CALN1: variants seen among roughly 807,000 people sequenced by gnomAD.
CALN1 encodes calcium-binding protein 8.
A neutral mutation model predicts 30.6 loss-of-function variants in CALN1; 17 were observed. The observed-to-expected ratio is 0.56, with a 90% CI of 0.38 to 0.83. The LOEUF is 0.83. Among genes scored for constraint, CALN1 ranks in the 40% least tolerant of loss-of-function variants. CALN1 has a pLI of 0.00. For synonymous variants in CALN1, 156 were observed against 131.4 expected, an observed-to-expected ratio of 1.19 and a Z score of -1.28; for missense variants, 291 against 354.9, an observed-to-expected ratio of 0.82 and a Z score of 1.45.
chr7:71,864,960 G>A (rs527796869), intron 5 of CALN1, among the ~76,000 whole-genome samples: 4 of 151,904 alleles, frequency 2.6e-5, no homozygotes, highest in Non-Finnish European at 5.9e-5. Flanking sequence ...CCAAGATCAC[G>A]CCACTGCACT....
rs1181497962 is a variant in CALN1 at position 71,933,375 on chromosome 7, ACGC to A, written c.501+90279_501+90281del. 2.2e-4 allele frequency among the ~76,000 whole-genome samples: 33 copies of A among 152,224 alleles called. No homozygotes were observed. The East Asian group carries it at 5.0e-3, about 23-fold the overall frequency. On this transcript the variant is annotated intron_variant, in intron 5 of 6. Coordinates refer to ENST00000395275, the MANE Select transcript of CALN1 (RefSeq NM_031468.4). The stretch of plus-strand genomic sequence containing the variant: ...CAAGCCTGCTTATAAAATCTGGTGA[ACGC>A]CGCCGCCGGCTGGTCTTTCCTTTCG...
At chr7:71,880,077 T>C (rs1417744875) in intron 5 of CALN1, among the ~76,000 whole-genome samples, 1 of 152,068 alleles carries the variant, frequency 6.6e-6, no homozygotes, top group Non-Finnish European at 1.5e-5. Flanking sequence ...TTTGAGGCTA[T>C]AGTGAGCTAC....
In CALN1 at chr7:71,926,314, T is replaced by C. The variant is rs77642216; in HGVS notation, c.501+97343A>G. On this transcript the variant is annotated intron_variant, in intron 5 of 6. Coordinates refer to ENST00000395275, the MANE Select transcript of CALN1 (RefSeq NM_031468.4). ...CATCATCCAGATTCCCACTGCATAC[T>C]GCTTCACAGCCAGCACTCCAGAAAG... Among the ~76,000 whole-genome samples, 28 of 152,280 alleles carry C rather than the reference T, an allele frequency of 1.8e-4. No homozygotes were observed. In the East Asian group the frequency reaches 5.2e-3, roughly 28 times the overall value.
At chr7:72,476,179 C>T in the CALN1 span, among the ~76,000 whole-genome samples, 1 of 151,968 alleles carries the variant, frequency 6.6e-6, no homozygotes, top group Non-Finnish European at 1.5e-5. Context: ...GAACTCCTGA[C>T]CTCATGATCT....
At chr7:72,434,791 C>T (rs1808095024) in intron 1 of CALN1, among the ~76,000 whole-genome samples, 1 of 152,194 alleles carries the variant, frequency 6.6e-6, no homozygotes, top group African/African-American at 2.4e-5. Context: ...CAGAGCAGAA[C>T]AGCAGGAAAA....
intron 5 of CALN1, among the ~76,000 whole-genome samples, chr7:71,993,374 G>C (rs1445426855): frequency 6.6e-6 from 1 of 152,012 alleles, no homozygotes; most frequent in Non-Finnish European, 1.5e-5. Flanking sequence ...GCTGAGGTGG[G>C]AGGATCACTC....
chr7:72,089,007 C>T (rs965811588), intron 4 of CALN1, among the ~76,000 whole-genome samples: 15 of 151,784 alleles, frequency 9.9e-5, no homozygotes, highest in Non-Finnish European at 8.8e-5. Context: ...AAACAGAAAA[C>T]GAGTTAAGTA....
intron 3 of CALN1, among the ~76,000 whole-genome samples, chr7:72,264,802 T>C (rs1796503103): frequency 6.6e-6 from 1 of 152,098 alleles, no homozygotes; most frequent in Admixed American, 6.6e-5. Context: ...TAGTACCCAT[T>C]AGTTATTTTT....
chr7:72,200,078 C>A (rs986402426), intron 3 of CALN1, among the ~76,000 whole-genome samples: 18 of 152,144 alleles, frequency 1.2e-4, no homozygotes, highest in African/African-American at 4.3e-4. Context: ...CCTTATCCTA[C>A]CGCCTCTCCA....
chr7:72,163,406 A>AAAC (rs1554461020), intron 3 of CALN1, among the ~76,000 whole-genome samples: 18 of 151,246 alleles, frequency 1.2e-4, no homozygotes, highest in Non-Finnish European at 5.9e-5. Context: ...AAAAAAAAAA[A>AAAC]AAAACAGAAA....
chr7:72,359,812 A>G (rs1304755083), intron 2 of CALN1, among the ~76,000 whole-genome samples: 1 of 151,778 alleles, frequency 6.6e-6, no homozygotes, highest in African/African-American at 2.4e-5. Context: ...CGTCTCTACT[A>G]AAAATACAAA....
chr7:72,394,976 TG>T (rs1295890346), intron 2 of CALN1, among the ~76,000 whole-genome samples: 5 of 152,088 alleles, frequency 3.3e-5, no homozygotes, highest in Non-Finnish European at 1.5e-5. Flanking sequence ...ATTCTTGTCT[TG>T]TAAGTGAATG....
At chr7:71,960,192 TAAAA>T (rs140570260) in intron 5 of CALN1, among the ~76,000 whole-genome samples, 2 of 143,880 alleles carry the variant, frequency 1.4e-5, no homozygotes, top group African/African-American at 5.0e-5. Flanking sequence ...TAAAATAAAA[TAAAA>T]AAATAAAATA....
chr7:72,375,010 A>G (rs1804472233), intron 2 of CALN1, among the ~76,000 whole-genome samples: 1 of 152,212 alleles, frequency 6.6e-6, no homozygotes, highest in Non-Finnish European at 1.5e-5. Context: ...ATTTATACTT[A>G]CAAAAACTTA....
At chr7:72,162,009 A>ATT (rs1166575263) in intron 3 of CALN1, among the ~76,000 whole-genome samples, 1 of 150,500 alleles carries the variant, frequency 6.6e-6, no homozygotes, top group East Asian at 1.9e-4. Flanking sequence ...TTATATATAT[A>ATT]TTATATATAT....
intron 3 of CALN1, among the ~76,000 whole-genome samples, chr7:72,224,658 G>A (rs529647782): frequency 3.0e-4 from 46 of 152,166 alleles, no homozygotes; most frequent in Admixed American, 1.9e-3. Context: ...GCCAGTGCCT[G>A]TAATCCCAGC....
chr7:71,872,659 G>A lies in CALN1; in HGVS notation c.502-62167C>T, dbSNP rs574706423. 3.3e-5 allele frequency among the ~76,000 whole-genome samples: 5 copies of A among 151,422 alleles called. No individual in the cohort carries two copies. In the East Asian group the frequency reaches 9.7e-4, roughly 29 times the overall value. ...GATACAGTCTCATTCTGTTGCCCAG[G>A]CTGGAGTGCAGTGGTGTGATCTCAG... On this transcript the variant is annotated intron_variant, in intron 5 of 6. Coordinates refer to ENST00000395275, the MANE Select transcript of CALN1 (RefSeq NM_031468.4).
intron 2 of CALN1, among the ~76,000 whole-genome samples, chr7:72,370,925 G>T (rs988005319): frequency 6.6e-6 from 1 of 151,736 alleles, no homozygotes; most frequent in East Asian, 1.9e-4. Context: ...GCATGTGCCT[G>T]TAATTCCAGC....
intron 4 of CALN1, among the ~76,000 whole-genome samples, chr7:72,090,965 A>G (rs1279992297): frequency 6.6e-6 from 1 of 152,182 alleles, no homozygotes; most frequent in Admixed American, 6.5e-5. Context: ...GCTAATGGGT[A>G]TAAAAATACA....
Sources: gnomAD v4.1 joint callset for allele counts (sites outside exome capture counted in the v4.1 genomes callset) on GRCh38, gnomAD v4.1.1 for gene constraint, MANE v1.5 for transcripts, NCBI Gene and HGNC (gene_info 2026-07-23, HGNC 2026-07-21) for gene names.